Variants in IL1RAPL2 observed in about 807,000 individuals in gnomAD.
IL1RAPL2 encodes the protein X-linked interleukin-1 receptor accessory protein-like 2.
IL1RAPL2 carries 3 observed loss-of-function variants against 44.1 expected under a neutral mutation model. The ratio of observed to expected loss-of-function variants is 0.07; its 90% CI spans 0.03 to 0.18. IL1RAPL2 has a LOEUF of 0.18. Among genes scored for constraint, IL1RAPL2 ranks in the 10% least tolerant of loss-of-function variants. The probability of loss-of-function intolerance (pLI) is 1.00; values close to 1 mark genes in which losing one functional copy is unlikely to be tolerated. For missense variants in IL1RAPL2, 391 were observed against 496.4 expected, an observed-to-expected ratio of 0.79 and a Z score of 2.02; for synonymous variants, 181 against 178.8, an observed-to-expected ratio of 1.01 and a Z score of -0.10.
chrX:104,650,372 C>A (rs1461314475), intron 1 of IL1RAPL2, among the ~76,000 whole-genome samples: 1 of 111,482 alleles, frequency 9.0e-6, no homozygotes, highest in African/African-American at 3.3e-5. Flanking sequence ...ACCTAAATTT[C>A]AGTGTAAGGT....
chrX:105,658,798 CA>C lies in IL1RAPL2; in HGVS notation c.773-58555del, dbSNP rs60498943. Among the ~76,000 whole-genome samples, 741 of 92,962 alleles carry C rather than the reference CA, an allele frequency of 8.0e-3. 3 individuals are homozygous for C. Among genetic ancestry groups the C allele is most frequent in the African/African-American group, 0.014 (359 of 25,741 alleles). The allele number at this position is 92,962 out of a possible 115,157, so 80.7% of individuals were successfully genotyped here. A position where few individuals can be genotyped will look rare whatever the true frequency, so the allele number is the denominator to read the frequency against. ...TGAAACCCCATCTGTACTAAAAATA[CA>C]AAAAAAAAAAAAATTAGCCAGGCAT... is the stretch of plus-strand genomic sequence containing the variant. On this transcript the variant is annotated intron_variant, in intron 6 of 10. Coordinates refer to ENST00000372582, the MANE Select transcript of IL1RAPL2 (RefSeq NM_017416.2).
At chrX:105,540,815 TATACATATATTATATATGATATATA>T (rs2036717770) in intron 6 of IL1RAPL2, among the ~76,000 whole-genome samples, 1 of 39,721 alleles carries the variant, frequency 2.5e-5, no homozygotes, top group African/African-American at 9.1e-5. Context: ...TTATATAATA[TATACATATATTATATATGATATATA>T]ATACATACAT....
chrX:105,767,040 C>T lies in IL1RAPL2; in HGVS notation c.1440C>T (p.Leu480=), dbSNP rs1330091347. Residue 480 remains leucine, a synonymous_variant, in exon 11 of 11, where the codon CTC becomes CTT. Coordinates refer to ENST00000372582, the MANE Select transcript of IL1RAPL2 (RefSeq NM_017416.2). ...LIIVLTPDYI[L]RRGWSIFELE... The stretch of plus-strand genomic sequence containing the variant: ...TCGTGCTAACTCCAGACTATATTCT[C>T]AGACGGGGATGGAGTATTTTCGAAC... 1 of 1,207,336 alleles carries T rather than the reference C, an allele frequency of 8.3e-7. No individual in the cohort carries two copies. Among genetic ancestry groups the T allele is most frequent in the Non-Finnish European group, 1.1e-6 (1 of 891,575 alleles).
chrX:104,582,705 CTTTA>C (rs1473707581), intron 1 of IL1RAPL2, among the ~76,000 whole-genome samples: 7 of 68,752 alleles, frequency 1.0e-4, no homozygotes, highest in Admixed American at 1.7e-4. Flanking sequence ...TCTCTCTCTC[CTTTA>C]TTTCTTTCTT....
chrX:105,498,548 A>T (rs901685763), intron 6 of IL1RAPL2, among the ~76,000 whole-genome samples: 2 of 111,152 alleles, frequency 1.8e-5, no homozygotes, highest in African/African-American at 6.5e-5. Context: ...CAATCCTAAA[A>T]TTCATATGGA....
chrX:104,637,567 C>A (rs1038276489), intron 1 of IL1RAPL2, among the ~76,000 whole-genome samples: 3 of 109,951 alleles, frequency 2.7e-5, no homozygotes, highest in African/African-American at 1.0e-4. Flanking sequence ...TTGTCTGCAT[C>A]TATTGAGATG....
chrX:104,984,289 C>CA (rs951210862), intron 2 of IL1RAPL2, among the ~76,000 whole-genome samples: 1 of 111,260 alleles, frequency 9.0e-6, no homozygotes, highest in African/African-American at 3.3e-5. Flanking sequence ...GAAAAAAATA[C>CA]AAAAAAGTAC....
chrX:105,111,267 A>G (rs1173016624), intron 2 of IL1RAPL2, among the ~76,000 whole-genome samples: 1 of 112,032 alleles, frequency 8.9e-6, no homozygotes, highest in African/African-American at 3.2e-5. Context: ...GTAATTAACA[A>G]CATTTTCCAT....
intron 2 of IL1RAPL2, among the ~76,000 whole-genome samples, chrX:104,963,918 C>CAT (rs1556021820): frequency 1.1e-5 from 1 of 89,233 alleles, no homozygotes; most frequent in African/African-American, 4.2e-5. Context: ...ATAGGATGTG[C>CAT]GTGTGTGTGT....
chrX:104,675,706 G>A (rs1401541187), intron 2 of IL1RAPL2, among the ~76,000 whole-genome samples: 1 of 110,672 alleles, frequency 9.0e-6, no homozygotes, highest in African/African-American at 3.3e-5. Flanking sequence ...GGGTGTTAAA[G>A]TCTCCCATTA....
At chrX:105,338,604 C>T (rs2035046578) in intron 5 of IL1RAPL2, among the ~76,000 whole-genome samples, 1 of 111,764 alleles carries the variant, frequency 8.9e-6, no homozygotes, top group Non-Finnish European at 1.9e-5. Flanking sequence ...TGCATATAGG[C>T]TAGTTCTATG....
chrX:104,905,865 A>T (rs1923981134), intron 2 of IL1RAPL2, among the ~76,000 whole-genome samples: 1 of 110,490 alleles, frequency 9.1e-6, no homozygotes, highest in Non-Finnish European at 1.9e-5. Context: ...CTTGATGGGG[A>T]TGGCATTGAA....
intron 6 of IL1RAPL2, among the ~76,000 whole-genome samples, chrX:105,715,578 A>T (rs1472857357): frequency 9.0e-6 from 1 of 111,512 alleles, no homozygotes; most frequent in Non-Finnish European, 1.9e-5. Context: ...ATAAATAGGG[A>T]GCTCAAAGTA....
chrX:105,674,052 G>A (rs2037847494), intron 6 of IL1RAPL2, among the ~76,000 whole-genome samples: 1 of 111,532 alleles, frequency 9.0e-6, no homozygotes, highest in Non-Finnish European at 1.9e-5. Flanking sequence ...TGAGTTCCTT[G>A]TAGATTCTGG....
intron 2 of IL1RAPL2, among the ~76,000 whole-genome samples, chrX:104,809,396 C>A (rs1390212405): frequency 9.1e-6 from 1 of 110,236 alleles, no homozygotes; most frequent in Non-Finnish European, 1.9e-5. Flanking sequence ...CTGTTGTTTC[C>A]TGAGTTTTTA....
chrX:105,252,018 T>G (rs960336719), intron 4 of IL1RAPL2, among the ~76,000 whole-genome samples: 11 of 111,277 alleles, frequency 9.9e-5, no homozygotes, highest in African/African-American at 3.3e-4. Context: ...TTTTGACAAA[T>G]GTATACACCA....
intron 2 of IL1RAPL2, among the ~76,000 whole-genome samples, chrX:105,161,234 A>AATC (rs1026900476): frequency 9.2e-6 from 1 of 108,877 alleles, no homozygotes; most frequent in African/African-American, 3.3e-5. Flanking sequence ...TAATAATAAT[A>AATC]ATAATAATAA....
intron 2 of IL1RAPL2, among the ~76,000 whole-genome samples, chrX:105,045,571 C>G (rs2031826285): frequency 1.8e-5 from 2 of 111,107 alleles, no homozygotes; most frequent in Admixed American, 9.6e-5. Flanking sequence ...TTTTAAGTGA[C>G]AGGTCTCACT....
At chrX:104,949,020 A>G (rs1364432802) in intron 2 of IL1RAPL2, among the ~76,000 whole-genome samples, 3 of 110,296 alleles carry the variant, frequency 2.7e-5, no homozygotes, top group Non-Finnish European at 3.8e-5. Context: ...TACCTCTGGT[A>G]GAATTCAGCT....
Sources: allele counts gnomAD v4.1 joint callset (sites outside exome capture counted in the v4.1 genomes callset), GRCh38; gene constraint gnomAD v4.1.1; transcripts MANE v1.5; gene names NCBI Gene and HGNC (gene_info 2026-07-23, HGNC 2026-07-21).